Variants in TIMMDC1 observed in about 807,000 individuals in gnomAD.
TIMMDC1 encodes the protein translocase of inner mitochondrial membrane domain containing 1.
In TIMMDC1, 25 loss-of-function variants were observed where a neutral mutation model predicts 32.6. The ratio of observed to expected loss-of-function variants is 0.77; its 90% confidence interval spans 0.56 to 1.07. TIMMDC1 has a LOEUF of 1.07. Among genes scored for constraint, TIMMDC1 ranks in the 50% least tolerant of loss-of-function variants. The probability of loss-of-function intolerance (pLI) is 0.00; values close to 1 mark genes in which losing one functional copy is unlikely to be tolerated. For missense variants in TIMMDC1, 329 were observed against 349.2 expected, an observed-to-expected ratio of 0.94 and a Z score of 0.46; for synonymous variants, 130 against 127.6, an observed-to-expected ratio of 1.02 and a Z score of -0.13.
In TIMMDC1 at chr3:119,503,937, T is replaced by A. The variant is rs763970768; in HGVS notation, c.450-17T>A. ...TGCTTTAAATCTTATATTTTCCTTC[T>A]CCTCCCTTTTTACCAGCACAGTGAA... On this transcript the variant is annotated splice_polypyrimidine_tract_variant and intron_variant, in intron 3 of 6. Transcript: ENST00000494664. The A allele has an allele frequency of 5.6e-6, 9 of 1,603,468 alleles. No homozygotes were observed. Among genetic ancestry groups the A allele is most frequent in the Non-Finnish European group, 6.8e-6 (8 of 1,171,884 alleles).
At chr3:119,518,119 A>G (rs1395953577) in intron 6 of TIMMDC1, among the ~76,000 whole-genome samples, 1 of 152,098 alleles carries the variant, frequency 6.6e-6, no homozygotes, top group African/African-American at 2.4e-5. Context: ...GAGGAACATG[A>G]AAACTTTCAC....
intron 4 of TIMMDC1, among the ~76,000 whole-genome samples, chr3:119,513,403 C>T (rs1052535905): frequency 6.6e-6 from 1 of 152,070 alleles, no homozygotes; most frequent in Non-Finnish European, 1.5e-5. Context: ...TGAATGGATC[C>T]ATAGAACATA....
At chr3:119,518,397 C>CCACA (rs371573860) in intron 6 of TIMMDC1, among the ~76,000 whole-genome samples, 2 of 151,494 alleles carry the variant, frequency 1.3e-5, no homozygotes, top group Non-Finnish European at 2.9e-5. Context: ...TTTCTGCTAA[C>CCACA]CACACACACA....
chr3:119,500,493 T>C, intron 1 of TIMMDC1: 1 of 493,732 alleles, frequency 2.0e-6, no homozygotes, highest in South Asian at 3.6e-5. Flanking sequence ...GTTGCCACTA[T>C]CCTAATTCTA....
At chr3:119,515,400 A>AG (rs2081979541) in intron 5 of TIMMDC1, among the ~76,000 whole-genome samples, 2 of 151,906 alleles carry the variant, frequency 1.3e-5, no homozygotes, top group East Asian at 3.9e-4. Context: ...CTCATACTTC[A>AG]AATCTTTAAC....
At chr3:119,500,890 G>T in intron 2 of TIMMDC1, 30 bp downstream of exon 2, 1 of 1,597,178 alleles carries the variant, frequency 6.3e-7, no homozygotes, top group South Asian at 1.1e-5. Flanking sequence ...AGAAATTTGG[G>T]GCACACTGAC....
intron 5 of TIMMDC1, among the ~76,000 whole-genome samples, chr3:119,515,921 A>G (rs1023802615): frequency 1.3e-5 from 2 of 151,918 alleles, no homozygotes; most frequent in South Asian, 2.1e-4. Flanking sequence ...CCCTTTGTCT[A>G]CCTCCTTTGA....
At chr3:119,519,129 A>G (rs1235378491) in intron 6 of TIMMDC1, among the ~76,000 whole-genome samples, 1 of 152,258 alleles carries the variant, frequency 6.6e-6, no homozygotes, top group Non-Finnish European at 1.5e-5. Flanking sequence ...TACAGAAAGG[A>G]ATCAAACCTT....
intron 6 of TIMMDC1, among the ~76,000 whole-genome samples, chr3:119,518,545 CT>C (rs1410400061): frequency 7.0e-6 from 1 of 142,316 alleles, no homozygotes; most frequent in Non-Finnish European, 1.5e-5. Flanking sequence ...CAGAGCAATA[CT>C]TCATCTCAAA....
At chr3:119,513,575 G>C in intron 4 of TIMMDC1, 66 bp from the exon 5 acceptor site, 1 of 1,261,786 alleles carries the variant, frequency 7.9e-7, no homozygotes, top group Non-Finnish European at 1.2e-6. Context: ...TTTGTAGAAG[G>C]AAAGTTTTAA....
chr3:119,522,804 T>TTGTGTGTG lies in TIMMDC1; in HGVS notation c.708-777_708-770dup, dbSNP rs71156752. Among the ~76,000 whole-genome samples the TTGTGTGTG allele has an allele frequency of 4.3e-3, 635 of 148,750 alleles. 1 individual carries two copies. The highest frequency in any genetic ancestry group is 7.0e-3 in the African/African-American group (286 of 41,010). On this transcript the variant is annotated intron_variant, in intron 6 of 6. Transcript: ENST00000494664. Reference sequence around the variant, plus strand: ...GTATAGCATATACACGTATGGGTGTTTGTGTGTGTGTGTGTGTGTGTGTGT... The same window carrying TTGTGTGTG: ...GTATAGCATATACACGTATGGGTGTTTGTGTGTGTGTGTGTGTGTGTGTGTGTGTGTGT...
chr3:119,514,178 T>A (rs1169154248), intron 5 of TIMMDC1, among the ~76,000 whole-genome samples: 2 of 151,096 alleles, frequency 1.3e-5, no homozygotes, highest in Admixed American at 6.7e-5. Flanking sequence ...TCTTCCTCAA[T>A]TTTTTACTTT....
intron 4 of TIMMDC1, among the ~76,000 whole-genome samples, chr3:119,511,044 T>A (rs554063494): frequency 6.6e-6 from 1 of 152,342 alleles, no homozygotes; most frequent in Admixed American, 6.5e-5. Context: ...ATAAATAGAT[T>A]GGTGTCTACA....
In TIMMDC1 at chr3:119,498,741, T is replaced by C; in HGVS notation, c.8T>C (p.Val3Ala). The C allele has an allele frequency of 6.2e-7, 1 of 1,614,104 alleles. No homozygotes were observed. Among genetic ancestry groups the C allele is most frequent in the Non-Finnish European group, 8.5e-7 (1 of 1,179,988 alleles). The change falls in exon 1 of 7, where the codon GTG (valine) becomes GCG (alanine). Residue 3 changes from valine (V) to alanine (A), a missense_variant. Coordinates refer to ENST00000494664, the MANE Select transcript of TIMMDC1 (RefSeq NM_016589.4). Reference protein sequence around the residue: MEVPPPAPRSFLC... With the variant: MEAPPPAPRSFLC... ...GTAGGTCGAGAGAAGGCCATGGAGG[T>C]GCCGCCACCGGCACCGCGGAGCTTT... is the stretch of plus-strand genomic sequence containing the variant.
At chr3:119,504,809 C>T (rs754475832) in intron 4 of TIMMDC1, among the ~76,000 whole-genome samples, 2 of 152,070 alleles carry the variant, frequency 1.3e-5, no homozygotes, top group Non-Finnish European at 2.9e-5. Flanking sequence ...TTTGGCCAAG[C>T]GGTGGCTCAC....
intron 6 of TIMMDC1, among the ~76,000 whole-genome samples, chr3:119,518,912 A>C (rs77202883): frequency 6.6e-6 from 1 of 152,094 alleles, no homozygotes; most frequent in East Asian, 1.9e-4. Flanking sequence ...AACCCAAAAA[A>C]CTCCTGCCAA....
chr3:119,506,260 C>T (rs1157789452), intron 4 of TIMMDC1, among the ~76,000 whole-genome samples: 1 of 152,190 alleles, frequency 6.6e-6, no homozygotes, highest in Non-Finnish European at 1.5e-5. Flanking sequence ...CACAGTGGCT[C>T]ACGCCTGTAA....
chr3:119,504,068 A>G (rs775102645), intron 4 of TIMMDC1, 47 bp downstream of exon 4: 2 of 1,435,392 alleles, frequency 1.4e-6, no homozygotes, highest in East Asian at 2.3e-5. Context: ...AATACAGTTT[A>G]GAAAATGTGT....
intron 5 of TIMMDC1, among the ~76,000 whole-genome samples, chr3:119,515,183 TG>T (rs2081976829): frequency 1.4e-5 from 2 of 141,548 alleles, no homozygotes; most frequent in African/African-American, 5.4e-5. Flanking sequence ...CACTCCAGCC[TG>T]GGCAACAGAG....
Sources: gnomAD v4.1 joint callset for allele counts (sites outside exome capture counted in the v4.1 genomes callset) on GRCh38, gnomAD v4.1.1 for gene constraint, MANE v1.5 for transcripts, NCBI Gene and HGNC (gene_info 2026-07-23, HGNC 2026-07-21) for gene names.